PSME4: variants seen among roughly 807,000 people sequenced by gnomAD.
The protein encoded by PSME4 is proteasome activator complex subunit 4.
PSME4 carries 89 observed loss-of-function variants against 253.9 expected under a neutral mutation model. The observed-to-expected ratio is 0.35, with a 90% CI of 0.30 to 0.42. PSME4 has a LOEUF of 0.42. Ranked by LOEUF, PSME4 falls within the 10% of genes least tolerant of loss-of-function variation. The pLI is 1.00. For missense variants in PSME4, 2,014 were observed against 2,195.2 expected (o/e 0.92, Z 1.65); for synonymous variants, 851 against 759.2 (o/e 1.12, Z -1.99).
chr2:53,898,244 ACT>A, intron 30 of PSME4, 55 bp downstream of exon 30: 1 of 1,463,554 alleles, frequency 6.8e-7, no homozygotes, highest in Non-Finnish European at 9.4e-7. Context: ...CATGTAGAAA[ACT>A]CCTATAGTAT....
intron 1 of PSME4, among the ~76,000 whole-genome samples, chr2:53,965,641 A>G (rs1185995435): frequency 6.7e-6 from 1 of 149,794 alleles, no homozygotes; most frequent in African/African-American, 2.5e-5. Context: ...TCCAATTTCA[A>G]GTTTAAAATT....
intron 41 of PSME4, among the ~76,000 whole-genome samples, chr2:53,876,819 G>C (rs1679152977): frequency 6.7e-6 from 1 of 149,274 alleles, no homozygotes; most frequent in South Asian, 2.1e-4. Context: ...TCTGGGGTCG[G>C]TGATCCTCCC....
At chr2:53,951,298 G>A (rs202052253) in intron 1 of PSME4, among the ~76,000 whole-genome samples, 2 of 152,194 alleles carry the variant, frequency 1.3e-5, no homozygotes, top group Non-Finnish European at 2.9e-5. Context: ...GGCCAGGCTG[G>A]TCTCAAACTC....
intron 17 of PSME4, among the ~76,000 whole-genome samples, chr2:53,921,710 T>C (rs1351755245): frequency 7.5e-6 from 1 of 132,760 alleles, no homozygotes; most frequent in African/African-American, 2.8e-5. Flanking sequence ...CTACTAAAAA[T>C]ACAAAAAATT....
intron 12 of PSME4, 48 bp from the exon 13 acceptor site, chr2:53,926,071 T>G: frequency 1.3e-6 from 2 of 1,506,032 alleles, no homozygotes; most frequent in Non-Finnish European, 1.8e-6. Context: ...CTTTGTTTTT[T>G]TTTCCTGAAC....
At chr2:53,885,618 C>T in intron 41 of PSME4, 72 bp downstream of exon 41, 1 of 1,122,932 alleles carries the variant, frequency 8.9e-7, no homozygotes, top group Admixed American at 1.9e-5. Context: ...GAACTTCAAC[C>T]ATCAGATGAT....
At chr2:53,949,662 T>G (rs547648735) in intron 1 of PSME4, among the ~76,000 whole-genome samples, 1 of 152,116 alleles carries the variant, frequency 6.6e-6, no homozygotes, top group Non-Finnish European at 1.5e-5. Context: ...ACAAATACTG[T>G]GTAGGTATCC....
rs751327501 is a variant in PSME4, at chr2:53,922,602, C to A, written c.1979-18G>T. The A allele has an allele frequency of 6.2e-7, 1 of 1,607,458 alleles. No homozygotes were observed. The highest frequency in any genetic ancestry group is 1.1e-5 in the South Asian group (1 of 89,290). On this transcript the variant is annotated intron_variant, in intron 16 of 46. Coordinates refer to ENST00000404125, the MANE Select transcript of PSME4 (RefSeq NM_014614.3). Reference sequence around the variant, plus strand: ...ATCATCATCTAAAAACAGCAAAATACTATTAGGGGGAAAAACCTATGCATT... The same window carrying A: ...ATCATCATCTAAAAACAGCAAAATAATATTAGGGGGAAAAACCTATGCATT...
At chr2:53,916,241 C>CA (rs10685516) in intron 20 of PSME4, among the ~76,000 whole-genome samples, 2,823 of 104,604 alleles carry the variant, frequency 0.027, 132 homozygotes, top group South Asian at 0.047. Flanking sequence ...GACTCTGTCT[C>CA]AAAAAAAAAA....
At chr2:53,924,510 T>G (rs995237371) in intron 14 of PSME4, among the ~76,000 whole-genome samples, 7 of 152,230 alleles carry the variant, frequency 4.6e-5, no homozygotes, top group Admixed American at 4.6e-4. Flanking sequence ...CTACTTCTAA[T>G]CCATCAGTTA....
At chr2:53,920,423 A>G in intron 18 of PSME4, 73 bp from the exon 19 acceptor site, 1 of 1,361,530 alleles carries the variant, frequency 7.3e-7, no homozygotes, top group Non-Finnish European at 9.8e-7. Flanking sequence ...ATACATATAC[A>G]CAATTTTTAA....
chr2:53,890,155 A>T lies in PSME4; in HGVS notation c.4245T>A (p.Asn1415Lys). The T allele has an allele frequency of 6.2e-7, 1 of 1,614,004 alleles. No homozygotes were observed. Among genetic ancestry groups the T allele is most frequent in the South Asian group, 1.1e-5 (1 of 91,078 alleles). The change falls in exon 37 of 47, where the codon AAT becomes AAA. Residue 1415 changes from asparagine to lysine, a missense_variant. By Grantham distance (94) the Asn-to-Lys change is moderately conservative. Around this residue, in one of 4 missense-constraint regions of PSME4, gnomAD observed 403 missense variants for 556.1 expected, o/e 0.72. Transcript: ENST00000404125. ...LCPLLRTALS[N>K]ITVETYNDWG... ...AGTCATTATAAGTTTCTACGGTAAT[A>T]TTGGACAGTGCTGTTCTAAGCAGAG...
In PSME4 at chr2:53,970,757, C is replaced by T. The variant is rs1671039985; in HGVS notation, c.28G>A (p.Gly10Arg). MEPAERAGV[G>R]EPPEPGGRPE... ...CGCCCGCCCGGCTCCGGGGGCTCTC[C>T]GACTCCCGCCCGCTCGGCCGGCTCC... Residue 10 changes from glycine to arginine, a missense_variant, in exon 1 of 47, where the codon GGA becomes AGA. Transcript: ENST00000404125. 6.5e-7 allele frequency: 1 copy of T among 1,544,200 alleles called. No individual in the cohort carries two copies. The highest frequency in any genetic ancestry group is 8.7e-7 in the Non-Finnish European group (1 of 1,144,864).
In PSME4 at chr2:53,866,884, CAA is replaced by C. The variant is rs748497109; in HGVS notation, c.5264-6_5264-5del. ...CCAGCATGGCGTTTGACCAACTCTG[CAA>C]AGAGAATAGCAACATTTGTGCAAAT... On this transcript the variant is annotated splice_polypyrimidine_tract_variant and splice_region_variant and intron_variant, in intron 44 of 46. Transcript: ENST00000404125. 6.2e-7 allele frequency: 1 copy of C among 1,612,214 alleles called. No homozygotes were observed. Among genetic ancestry groups the C allele is most frequent in the Non-Finnish European group, 8.5e-7 (1 of 1,179,278 alleles).
In PSME4 at chr2:53,925,945, G is replaced by A; in HGVS notation, c.1658+14C>T. ...AGAATTTCAGCTAAACGTTGGTGTG[G>A]GTTACAAGCTCACCTGTCCATAAAC... On this transcript the variant is annotated intron_variant, in intron 13 of 46. Transcript: ENST00000404125. The A allele has an allele frequency of 1.2e-6, 2 of 1,606,068 alleles. No homozygotes were observed. Among genetic ancestry groups the A allele is most frequent in the Non-Finnish European group, 1.7e-6 (2 of 1,172,926 alleles).
Position 53,964,817 on chromosome 2 carries a change from G to C in PSME4, c.242+5726C>G, listed in dbSNP as rs575948852. Among the ~76,000 whole-genome samples the C allele has an allele frequency of 7.9e-5, 12 of 152,192 alleles. No homozygotes were observed. The South Asian group carries it at 2.5e-3, about 32-fold the overall frequency. On this transcript the variant is annotated intron_variant, in intron 1 of 46. Transcript: ENST00000404125. ...CTTGACTACACCTAAGTTTCTGGTG[G>C]TTACATAATCTAATCAAATACATTA...
chr2:53,954,945 T>C (rs947346508), intron 1 of PSME4, among the ~76,000 whole-genome samples: 1 of 151,788 alleles, frequency 6.6e-6, no homozygotes, highest in Non-Finnish European at 1.5e-5. Flanking sequence ...TCTGGGAAGT[T>C]GAGGAGGAAA....
chr2:53,899,298 T>C (rs1680284160), intron 29 of PSME4, among the ~76,000 whole-genome samples: 1 of 151,706 alleles, frequency 6.6e-6, no homozygotes, highest in Non-Finnish European at 1.5e-5. Context: ...ACTCCTTAGC[T>C]CAAGTGATCT....
chr2:53,947,310 T>A (rs992913613), intron 3 of PSME4, among the ~76,000 whole-genome samples: 1 of 152,206 alleles, frequency 6.6e-6, no homozygotes, highest in Non-Finnish European at 1.5e-5. Context: ...AATGTAGACA[T>A]GCCTAAGACT....
Sources: allele counts gnomAD v4.1 joint callset (sites outside exome capture counted in the v4.1 genomes callset), GRCh38; gene constraint gnomAD v4.1.1; regional missense constraint gnomAD v4.1.1; transcripts MANE v1.5; gene names NCBI Gene and HGNC (gene_info 2026-07-23, HGNC 2026-07-21).